PLEKHA8: variants seen among roughly 807,000 people sequenced by gnomAD.
PLEKHA8 encodes the protein pleckstrin homology domain-containing family A member 8.
PLEKHA8 carries 36 observed loss-of-function variants against 68.2 expected under a neutral mutation model. The ratio of observed to expected loss-of-function variants is 0.53; its 90% CI spans 0.40 to 0.70. The LOEUF (loss-of-function observed/expected upper bound fraction) is 0.70, where lower values mean the gene tolerates loss of function less well. Ranked by LOEUF, PLEKHA8 falls within the 30% of genes least tolerant of loss-of-function variation. PLEKHA8 has a pLI of 0.00. For synonymous variants in PLEKHA8, 211 were observed against 216.1 expected, an observed-to-expected ratio of 0.98 and a Z score of 0.20; for missense variants, 505 against 615.4, an observed-to-expected ratio of 0.82 and a Z score of 1.90.
At chr7:30,114,500 C>T (rs768471058) in intron 13 of PLEKHA8, among the ~76,000 whole-genome samples, 3 of 152,200 alleles carry the variant, frequency 2.0e-5, no homozygotes, top group African/African-American at 7.2e-5. Flanking sequence ...TTGTTCCGTT[C>T]TTGGTGTTTT....
At chr7:30,060,976 T>A in intron 10 of PLEKHA8, 34 bp downstream of exon 10, 1 of 1,586,922 alleles carries the variant, frequency 6.3e-7, no homozygotes, top group South Asian at 1.1e-5. Flanking sequence ...TGGAAACTTT[T>A]AAATAAAGGA....
intron 13 of PLEKHA8, among the ~76,000 whole-genome samples, chr7:30,104,982 TCCCAGAGTG>T (rs1796006794): frequency 6.6e-6 from 1 of 151,986 alleles, no homozygotes; most frequent in Non-Finnish European, 1.5e-5. Flanking sequence ...TGTCTCAGCC[TCCCAGAGTG>T]CTGGGATTAC....
At chr7:30,101,832 T>C (rs1248818714) in intron 13 of PLEKHA8, among the ~76,000 whole-genome samples, 2 of 152,184 alleles carry the variant, frequency 1.3e-5, no homozygotes, top group East Asian at 3.8e-4. Context: ...AGATGTCAGT[T>C]CTCAAATAGA....
At chr7:30,046,422 T>A in intron 3 of PLEKHA8, 57 bp downstream of exon 3, 1 of 1,503,642 alleles carries the variant, frequency 6.7e-7, no homozygotes, top group Non-Finnish European at 8.9e-7. Flanking sequence ...CTGGCATCTC[T>A]GATTTCCCTT....
intron 1 of PLEKHA8, among the ~76,000 whole-genome samples, chr7:30,032,774 A>G (rs115454190): frequency 1.9e-3 from 292 of 152,284 alleles, no homozygotes; most frequent in African/African-American, 6.7e-3. Flanking sequence ...CCACGAGGAA[A>G]TTTTCTAACC....
chr7:30,120,058 T>C (rs1345962412), intron 13 of PLEKHA8, among the ~76,000 whole-genome samples: 1 of 151,180 alleles, frequency 6.6e-6, no homozygotes, highest in Non-Finnish European at 1.5e-5. Context: ...TTCTCTGTGC[T>C]ATCAAAAAGC....
At chr7:30,048,604 G>A (rs1050092351) in intron 4 of PLEKHA8, among the ~76,000 whole-genome samples, 2 of 152,146 alleles carry the variant, frequency 1.3e-5, no homozygotes, top group Non-Finnish European at 2.9e-5. Context: ...TGTATAGAAT[G>A]GCTCACATTA....
At chr7:30,043,884 T>C (rs1698996495) in intron 1 of PLEKHA8, among the ~76,000 whole-genome samples, 1 of 152,188 alleles carries the variant, frequency 6.6e-6, no homozygotes, top group Non-Finnish European at 1.5e-5. Flanking sequence ...CCCTTGGGGC[T>C]CTGCCTTCTC....
chr7:30,127,201 C>G (rs1213144717), intron 13 of PLEKHA8, among the ~76,000 whole-genome samples: 1 of 152,158 alleles, frequency 6.6e-6, no homozygotes, highest in African/African-American at 2.4e-5. Context: ...TTTTCAGAAG[C>G]TAAAGTTGAC....
Position 30,080,342 on chromosome 7 carries a change from G to C in PLEKHA8, c.*1555G>C, listed in dbSNP as rs945777667. ...GAAGCCATGGGTACCTTCCCCATTA[G>C]AGGCTACTTCCTTCTAGTAACAGGA... On this transcript the variant is annotated 3_prime_UTR_variant, in exon 14 of 14. Coordinates refer to ENST00000449726, the MANE Select transcript of PLEKHA8 (RefSeq NM_001197026.2). The C allele has an allele frequency of 1.8e-5, 18 of 985,210 alleles. No individual in the cohort carries two copies. Among genetic ancestry groups the C allele is most frequent in the Non-Finnish European group, 1.9e-5 (16 of 829,922 alleles). 61.0% of individuals were successfully genotyped at this position (985,210 alleles called of 1,614,324 possible).
At chr7:30,033,666 C>G (rs369925600) in intron 1 of PLEKHA8, among the ~76,000 whole-genome samples, 3 of 151,998 alleles carry the variant, frequency 2.0e-5, no homozygotes, top group African/African-American at 7.3e-5. Context: ...ATCTATAATA[C>G]CTAGGAGTGG....
intron 13 of PLEKHA8, among the ~76,000 whole-genome samples, chr7:30,103,655 A>G (rs989203296): frequency 1.3e-5 from 2 of 152,236 alleles, no homozygotes; most frequent in African/African-American, 4.8e-5. Context: ...TGCCAAAGCA[A>G]TTCAATGGTG....
intron 13 of PLEKHA8, among the ~76,000 whole-genome samples, chr7:30,109,316 G>A (rs1176225051): frequency 6.6e-6 from 1 of 152,116 alleles, no homozygotes; most frequent in Non-Finnish European, 1.5e-5. Context: ...ACATGGCTGG[G>A]CATGGTGGCT....
chr7:30,091,156 T>G (rs1035936957), downstream of PLEKHA8, among the ~76,000 whole-genome samples: 1 of 152,182 alleles, frequency 6.6e-6, no homozygotes, highest in Non-Finnish European at 1.5e-5. Context: ...TCTCTAAATA[T>G]ATATTTCCTC....
At chr7:30,092,205 G>A (rs992178984), downstream of PLEKHA8, among the ~76,000 whole-genome samples, 1 of 152,138 alleles carries the variant, frequency 6.6e-6, no homozygotes, top group Non-Finnish European at 1.5e-5. Flanking sequence ...GGATCAAGTC[G>A]GGAATTGTGC....
At chr7:30,104,040 A>G (rs1332459860) in intron 13 of PLEKHA8, among the ~76,000 whole-genome samples, 4 of 152,224 alleles carry the variant, frequency 2.6e-5, no homozygotes, top group African/African-American at 4.8e-5. Flanking sequence ...AAAATGCACA[A>G]TGACTTGAAC....
At chr7:30,124,155 A>G (rs1796736917) in intron 13 of PLEKHA8, among the ~76,000 whole-genome samples, 1 of 152,232 alleles carries the variant, frequency 6.6e-6, no homozygotes, top group African/African-American at 2.4e-5. Context: ...CTAAAGCAGT[A>G]GATGGGCTTT....
chr7:30,061,042 G>A (rs991018010), intron 10 of PLEKHA8, 100 bp downstream of exon 10: 97 of 1,111,902 alleles, frequency 8.7e-5, no homozygotes, highest in Admixed American at 3.9e-5. Flanking sequence ...TGAAAAATGT[G>A]TCACTGTTCT....
At chr7:30,108,083 A>AAAAAACAAAAAAAAC (rs1796136506) in intron 13 of PLEKHA8, among the ~76,000 whole-genome samples, 4 of 144,460 alleles carry the variant, frequency 2.8e-5, no homozygotes, top group African/African-American at 9.9e-5. Context: ...AAAAAAAAAA[A>AAAAAACAAAAAAAAC]AAAAAAAAAC....
Sources: allele counts gnomAD v4.1 joint callset (sites outside exome capture counted in the v4.1 genomes callset), GRCh38; gene constraint gnomAD v4.1.1; transcripts MANE v1.5; gene names NCBI Gene and HGNC (gene_info 2026-07-23, HGNC 2026-07-21).